Variants in ENTREP2 observed in about 807,000 individuals in gnomAD.
ENTREP2 encodes endosomal transmembrane epsin interactor 2, also known as protein ENTREP2.
chr15:29,142,299 T>C, the ENTREP2 span, among the ~76,000 whole-genome samples: 1 of 152,218 alleles, frequency 6.6e-6, no homozygotes, highest in African/African-American at 2.4e-5. Flanking sequence ...AGATGACTGG[T>C]TGACAGATGC....
At chr15:29,215,310 A>AC in the ENTREP2 span, among the ~76,000 whole-genome samples, 1 of 152,108 alleles carries the variant, frequency 6.6e-6, no homozygotes, top group African/African-American at 2.4e-5. Flanking sequence ...GGAAAGGCAG[A>AC]CCCACCCTCA....
chr15:29,289,062 C>A, the ENTREP2 span, among the ~76,000 whole-genome samples: 1 of 151,872 alleles, frequency 6.6e-6, no homozygotes, highest in African/African-American at 2.4e-5. Flanking sequence ...AAGAAATTAG[C>A]TGGGTGTGGT....
chr15:29,133,772 C>T, the ENTREP2 span, among the ~76,000 whole-genome samples: 1 of 152,162 alleles, frequency 6.6e-6, no homozygotes, highest in Non-Finnish European at 1.5e-5. Flanking sequence ...CCAGTGACAG[C>T]GGCAGCTAAC....
the ENTREP2 span, among the ~76,000 whole-genome samples, chr15:29,260,155 C>G: frequency 4.6e-5 from 7 of 152,180 alleles, no homozygotes; most frequent in Non-Finnish European, 8.8e-5. Context: ...TCTCAAACAT[C>G]TAAGGAATTA....
chr15:29,399,442 C>G, the ENTREP2 span, among the ~76,000 whole-genome samples: 4 of 152,194 alleles, frequency 2.6e-5, no homozygotes, highest in African/African-American at 9.6e-5. Flanking sequence ...AAAGAAGAAG[C>G]AAAATCATTA....
At chr15:29,504,207 C>T in the ENTREP2 span, among the ~76,000 whole-genome samples, 1 of 152,186 alleles carries the variant, frequency 6.6e-6, no homozygotes, top group Non-Finnish European at 1.5e-5. Flanking sequence ...TGCACCCCTG[C>T]AGCATGTTGT....
At chr15:29,503,542 T>TA in the ENTREP2 span, among the ~76,000 whole-genome samples, 1 of 152,034 alleles carries the variant, frequency 6.6e-6, no homozygotes, top group African/African-American at 2.4e-5. Context: ...GTGACTATAC[T>TA]AAAAAAACAC....
At chr15:29,470,494 T>C in the ENTREP2 span, among the ~76,000 whole-genome samples, 1 of 152,176 alleles carries the variant, frequency 6.6e-6, no homozygotes. Context: ...GGCAGGCAAA[T>C]ACTCGTCACT....
the ENTREP2 span, chr15:29,570,027 GCCCCTCCCCCGCCCCCCCACCCCACC>G: frequency 1.5e-5 from 2 of 130,860 alleles, no homozygotes; most frequent in Admixed American, 1.5e-4. Flanking sequence ...GACGGGAGGC[GCCCCTCCCCCGCCCCCCCACCCCACC>G]CCCCACCCCC....
the ENTREP2 span, chr15:29,375,588 C>T: frequency 6.6e-6 from 1 of 152,212 alleles, no homozygotes; most frequent in African/African-American, 2.4e-5. Flanking sequence ...CCAGAGGATC[C>T]AGAGGCACAC....
chr15:29,668,652 T>C, the ENTREP2 span, among the ~76,000 whole-genome samples: 1 of 152,210 alleles, frequency 6.6e-6, no homozygotes, highest in Admixed American at 6.5e-5. Flanking sequence ...CGGAAGCTGA[T>C]GCCCCGAATT....
chr15:29,489,229 TCTTC>T, the ENTREP2 span, among the ~76,000 whole-genome samples: 505 of 152,310 alleles, frequency 3.3e-3, 4 homozygotes, highest in African/African-American at 0.011. Flanking sequence ...CCCTGAGATC[TCTTC>T]CTTCCTTCCT....
the ENTREP2 span, among the ~76,000 whole-genome samples, chr15:29,191,755 C>A: frequency 2.0e-5 from 3 of 152,034 alleles, no homozygotes; most frequent in East Asian, 5.8e-4. Context: ...TCTCTACAAA[C>A]AATAAAAAAT....
chr15:29,675,391 AG>A, the ENTREP2 span: 1 of 152,412 alleles, frequency 6.6e-6, no homozygotes, highest in South Asian at 2.1e-4. Context: ...ACCCGCAGCG[AG>A]GGGCCGGTCA....
At chr15:29,335,011 G>T in the ENTREP2 span, among the ~76,000 whole-genome samples, 2 of 152,152 alleles carry the variant, frequency 1.3e-5, no homozygotes, top group Admixed American at 1.3e-4. Flanking sequence ...AGGGAACCCA[G>T]CCAACAGTGG....
the ENTREP2 span, among the ~76,000 whole-genome samples, chr15:29,207,899 T>C: frequency 1.3e-5 from 2 of 152,180 alleles, no homozygotes; most frequent in South Asian, 4.1e-4. Context: ...GATGGGCGTG[T>C]CACTGAGGGA....
the ENTREP2 span, among the ~76,000 whole-genome samples, chr15:29,455,310 G>C: frequency 1.3e-5 from 2 of 152,088 alleles, no homozygotes; most frequent in Non-Finnish European, 2.9e-5. Flanking sequence ...GCTCAGCAAA[G>C]AGAGCCACCC....
chr15:29,366,883 C>A, the ENTREP2 span, among the ~76,000 whole-genome samples: 6 of 152,142 alleles, frequency 3.9e-5, no homozygotes, highest in African/African-American at 1.4e-4. Context: ...ACAAGTGATT[C>A]CTATTTTAGG....
the ENTREP2 span, among the ~76,000 whole-genome samples, chr15:29,629,410 C>G: frequency 3.3e-5 from 5 of 152,074 alleles, no homozygotes; most frequent in African/African-American, 1.2e-4. Context: ...TGTGGATTAC[C>G]TGAATGTTAT....
Sources: gnomAD v4.1 joint callset for allele counts (sites outside exome capture counted in the v4.1 genomes callset) on GRCh38, gnomAD v4.1.1 for gene constraint, MANE v1.5 for transcripts, NCBI Gene and HGNC (gene_info 2026-07-23, HGNC 2026-07-21) for gene names.